KDM4B: variants seen among roughly 807,000 people sequenced by gnomAD.
KDM4B encodes the protein lysine-specific demethylase 4B.
KDM4B carries 32 observed loss-of-function variants against 125.2 expected under a neutral mutation model. That is an observed-to-expected ratio of 0.26 (90% CI 0.19 to 0.34). The LOEUF (loss-of-function observed/expected upper bound fraction) is 0.34. Among genes scored for constraint, KDM4B ranks in the 10% least tolerant of loss-of-function variants. The pLI is 1.00. For synonymous variants in KDM4B, 721 were observed against 677.9 expected (o/e 1.06, Z -0.99); for missense variants, 1,190 against 1,577.7 (o/e 0.75, Z 4.16).
intron 1 of KDM4B, among the ~76,000 whole-genome samples, chr19:4,979,788 T>C (rs147677796): frequency 3.5e-4 from 54 of 152,322 alleles, no homozygotes; most frequent in Middle Eastern, 3.4e-3. Flanking sequence ...ATTCACATAC[T>C]ATGAAATTCA....
chr19:5,123,368 C>T (rs1390412265), intron 11 of KDM4B, among the ~76,000 whole-genome samples: 5 of 152,228 alleles, frequency 3.3e-5, no homozygotes, highest in Non-Finnish European at 1.5e-5. Flanking sequence ...AGGCCCCTTT[C>T]CTGGGCTTGG....
chr19:4,989,248 C>T (rs2145367550), intron 1 of KDM4B, among the ~76,000 whole-genome samples: 1 of 152,300 alleles, frequency 6.6e-6, no homozygotes, highest in African/African-American at 2.4e-5. Context: ...GATGGTGGGG[C>T]AGGGGGGCCG....
chr19:5,063,339 G>A (rs1420267670), intron 6 of KDM4B, among the ~76,000 whole-genome samples: 1 of 152,152 alleles, frequency 6.6e-6, no homozygotes, highest in African/African-American at 2.4e-5. Context: ...TGGTGCTGGG[G>A]TTTCCCATTT....
At chr19:5,005,363 C>T (rs1472082639) in intron 1 of KDM4B, among the ~76,000 whole-genome samples, 1 of 152,192 alleles carries the variant, frequency 6.6e-6, no homozygotes, top group Non-Finnish European at 1.5e-5. Context: ...AGTGTGGGCA[C>T]CTGTTCCTCC....
In KDM4B at chr19:5,135,551, G is replaced by A. The variant is rs754805180; in HGVS notation, c.2298G>A (p.Gln766=). 5 of 1,597,804 alleles carry A rather than the reference G, an allele frequency of 3.1e-6. No homozygotes were observed. The highest frequency in any genetic ancestry group is 4.3e-6 in the Non-Finnish European group (5 of 1,174,074). The change falls in exon 15 of 23, where the codon CAG becomes CAA. Residue 766 remains glutamine (Q), a synonymous_variant. Coordinates refer to ENST00000159111, the MANE Select transcript of KDM4B (RefSeq NM_015015.3). The part of the protein sequence containing the change: ...PLIACGKCCL[Q]VHASCYGIRP... The stretch of plus-strand genomic sequence containing the variant: ...TCGCCTGCGGCAAGTGCTGCCTGCA[G>A]GTCCATGCCAGTGAGTGCCACTGTG...
intron 10 of KDM4B, chr19:5,112,914 A>G (rs1200203668): frequency 6.6e-6 from 1 of 152,444 alleles, no homozygotes. Context: ...AGGCCCAGCC[A>G]GACGTGCTAT....
At position 5,137,253 on chromosome 19, in the gene KDM4B, G is replaced by A; in HGVS notation, c.2309-9G>A. On this transcript the variant is annotated splice_polypyrimidine_tract_variant and intron_variant, in intron 15 of 22. Transcript: ENST00000159111. ...CCCCAGATCTCAGCCAGCCCCCGCT[G>A]TCTTCCAGGTTGCTATGGCATCCGT... 2.6e-6 allele frequency: 4 copies of A among 1,565,514 alleles called. No individual in the cohort carries two copies. The highest frequency in any genetic ancestry group is 3.5e-6 in the Non-Finnish European group (4 of 1,154,940).
intron 2 of KDM4B, among the ~76,000 whole-genome samples, chr19:5,022,967 C>A (rs1267652890): frequency 6.6e-6 from 1 of 152,058 alleles, no homozygotes; most frequent in South Asian, 2.1e-4. Flanking sequence ...AATGATGGTC[C>A]CCATGGATGT....
chr19:4,992,617 T>TA (rs1460618065), intron 1 of KDM4B, among the ~76,000 whole-genome samples: 8 of 152,240 alleles, frequency 5.3e-5, no homozygotes, highest in Admixed American at 2.0e-4. Flanking sequence ...CTGGCTAATT[T>TA]AAAAAATAAT....
rs551888120 is a variant in KDM4B at position 5,008,326 on chromosome 19, G to C, written c.-108-7931G>C. 5.1e-4 allele frequency among the ~76,000 whole-genome samples: 78 copies of C among 152,232 alleles called. 1 individual carries two copies. In the South Asian group the frequency reaches 0.012, roughly 23 times the overall value. On this transcript the variant is annotated intron_variant, in intron 1 of 22. Coordinates refer to ENST00000159111, the MANE Select transcript of KDM4B (RefSeq NM_015015.3). ...TATTGAAAATCACCTGACTTTAAGCGTGTGGGTTTATTTCTGGACTCTCAG... is the reference window on the plus strand; with the variant it reads ...TATTGAAAATCACCTGACTTTAAGCCTGTGGGTTTATTTCTGGACTCTCAG...
chr19:5,020,725 C>T (rs1283665974), intron 2 of KDM4B, among the ~76,000 whole-genome samples: 1 of 152,222 alleles, frequency 6.6e-6, no homozygotes, highest in Non-Finnish European at 1.5e-5. Flanking sequence ...GTTTCTTCCT[C>T]CTAAATAGAA....
chr19:5,019,745 GTTGGTGTGCAGGTATTGGTGTGGACA>G (rs1442855338), intron 2 of KDM4B, among the ~76,000 whole-genome samples: 9 of 147,346 alleles, frequency 6.1e-5, no homozygotes, highest in Admixed American at 3.3e-4. Flanking sequence ...TGGTGTGGGT[GTTGGTGTGCAGGTATTGGTGTGGACA>G]GTGGTGTGCA....
chr19:5,139,506 TC>T (rs2039704503), intron 18 of KDM4B, among the ~76,000 whole-genome samples: 1 of 152,180 alleles, frequency 6.6e-6, no homozygotes, highest in Non-Finnish European at 1.5e-5. Flanking sequence ...AGGAAACTGC[TC>T]TCCCTTGCGG....
chr19:5,026,076 G>A (rs2036268835), intron 2 of KDM4B, among the ~76,000 whole-genome samples: 1 of 150,976 alleles, frequency 6.6e-6, no homozygotes, highest in Non-Finnish European at 1.5e-5. Context: ...AGAGATGGGA[G>A]TTTCACCATG....
intron 1 of KDM4B, among the ~76,000 whole-genome samples, chr19:5,005,491 G>T (rs562269921): frequency 6.6e-6 from 1 of 152,168 alleles, no homozygotes. Context: ...CACGATGAGG[G>T]TGTTAACATG....
chr19:5,047,595 C>T lies in KDM4B; in HGVS notation c.552C>T (p.Thr184=), dbSNP rs2037067856. 1 of 1,613,900 alleles carries T rather than the reference C, an allele frequency of 6.2e-7. No individual in the cohort carries two copies. The change falls in exon 6 of 23, where the codon ACC becomes ACT. Residue 184 remains threonine, a synonymous_variant. Coordinates refer to ENST00000159111, the MANE Select transcript of KDM4B (RefSeq NM_015015.3). ...ACCTGTACTTCGGCATGTGGAAGACCACCTTCGCCTGGCACACCGAGGACA... is the reference window on the plus strand; with the variant it reads ...ACCTGTACTTCGGCATGTGGAAGACTACCTTCGCCTGGCACACCGAGGACA... ...TPYLYFGMWK[T]TFAWHTEDMD...
At chr19:5,092,431 C>T (rs1029949556) in intron 9 of KDM4B, among the ~76,000 whole-genome samples, 2 of 152,348 alleles carry the variant, frequency 1.3e-5, no homozygotes, top group East Asian at 3.9e-4. Flanking sequence ...CTTTCTCCCA[C>T]TGCTCTCGGC....
chr19:5,119,266 G>A, intron 10 of KDM4B: 1 of 1,284,632 alleles, frequency 7.8e-7, no homozygotes, highest in Non-Finnish European at 1.1e-6. Flanking sequence ...TTTTCCATGA[G>A]CTGCTGTTTC....
chr19:5,040,003 C>T lies in KDM4B; in HGVS notation c.309C>T (p.Asn103=), dbSNP rs2036754328. Residue 103 remains asparagine (N), a synonymous_variant, in exon 4 of 23, where the codon AAC becomes AAT. Coordinates refer to ENST00000159111, the MANE Select transcript of KDM4B (RefSeq NM_015015.3). ...TGGGCGAGTACCGCCGCCTGGCCAA[C>T]AGCGAGAAGTACGCGGGGCGGGCAG... The part of the protein sequence containing the change: ...MTVGEYRRLA[N]SEKYCTPRHQ... 4 of 1,610,524 alleles carry T rather than the reference C, an allele frequency of 2.5e-6. No individual in the cohort carries two copies. The highest frequency in any genetic ancestry group is 3.4e-6 in the Non-Finnish European group (4 of 1,178,294).
Sources: allele counts gnomAD v4.1 joint callset (sites outside exome capture counted in the v4.1 genomes callset), GRCh38; gene constraint gnomAD v4.1.1; transcripts MANE v1.5; gene names NCBI Gene and HGNC (gene_info 2026-07-23, HGNC 2026-07-21).